The following STX6 variants were observed in gnomAD, a reference collection of about 807,000 sequenced individuals.
STX6 encodes syntaxin-6.
STX6 carries 23 observed loss-of-function variants against 38.0 expected under a neutral mutation model. The observed-to-expected ratio is 0.60, with a 90% CI of 0.43 to 0.86. The LOEUF is 0.86. Ranked by LOEUF, STX6 falls within the 40% of genes least tolerant of loss-of-function variation. The pLI, the probability that STX6 is intolerant of heterozygous loss-of-function variation, is 0.00. For synonymous variants in STX6, 123 were observed against 107.5 expected (o/e 1.14, Z -0.89); for missense variants, 274 against 312.9 (o/e 0.88, Z 0.94).
intron 1 of STX6, among the ~76,000 whole-genome samples, chr1:181,009,470 C>CA (rs34469966): frequency 0.2 from 20,832 of 105,148 alleles, 1,852 homozygotes; most frequent in East Asian, 0.3. Context: ...CTGTTGTTTC[C>CA]AAAAAAAAAA....
chr1:181,005,217 T>C, intron 2 of STX6, 77 bp downstream of exon 2: 1 of 1,543,742 alleles, frequency 6.5e-7, no homozygotes, highest in Non-Finnish European at 8.7e-7. Flanking sequence ...TTCATCTACA[T>C]ACTGGAAACA....
At chr1:181,013,598 C>T (rs553209982) in intron 1 of STX6, among the ~76,000 whole-genome samples, 1 of 152,302 alleles carries the variant, frequency 6.6e-6, no homozygotes, top group East Asian at 1.9e-4. Context: ...TTTGATTTAT[C>T]CTTTCTTCTT....
At chr1:180,986,333 G>A (rs1571329543) in intron 6 of STX6, among the ~76,000 whole-genome samples, 2 of 152,034 alleles carry the variant, frequency 1.3e-5, no homozygotes, top group East Asian at 3.9e-4. Flanking sequence ...CCAAAATACT[G>A]TAATTTCAAC....
chr1:180,981,462 G>A (rs1010447552), intron 7 of STX6, among the ~76,000 whole-genome samples: 3 of 151,946 alleles, frequency 2.0e-5, no homozygotes, highest in African/African-American at 4.8e-5. Context: ...CTCCAACCCC[G>A]CCCTCAACCT....
intron 1 of STX6, among the ~76,000 whole-genome samples, chr1:181,016,197 T>C (rs1656550800): frequency 6.6e-6 from 1 of 151,342 alleles, no homozygotes; most frequent in Non-Finnish European, 1.5e-5. Context: ...ACAAATTCTG[T>C]TTCAGTTGGC....
intron 1 of STX6, among the ~76,000 whole-genome samples, chr1:181,018,067 G>A (rs1656614777): frequency 6.6e-6 from 1 of 152,028 alleles, no homozygotes; most frequent in Non-Finnish European, 1.5e-5. Context: ...AAGTCTGAAG[G>A]ATATAAAGAA....
chr1:180,989,104 C>T (rs1252530264), intron 5 of STX6: 1 of 152,222 alleles, frequency 6.6e-6, no homozygotes, highest in Admixed American at 6.5e-5. Flanking sequence ...TTTATTAATA[C>T]AGCTACATAT....
rs143012107 is a variant in STX6, at chr1:181,002,911, G to C, written c.206-211C>G. Reference sequence around the variant, plus strand: ...CTCCAAGACAGAGATGATCTGTCTGGTTAGGAAGCATAGCCCCTGCTGATG... The same window carrying C: ...CTCCAAGACAGAGATGATCTGTCTGCTTAGGAAGCATAGCCCCTGCTGATG... On this transcript the variant is annotated intron_variant, in intron 2 of 7. Transcript: ENST00000258301. Among the ~76,000 whole-genome samples the C allele has an allele frequency of 2.3e-3, 355 of 152,312 alleles. 3 individuals carry two copies. Among genetic ancestry groups the C allele is most frequent in the East Asian group, 0.011 (57 of 5,184 alleles).
chr1:180,988,219 A>AG lies in STX6; in HGVS notation c.596+19dup, dbSNP rs933225466. 2 of 1,585,200 alleles carry AG rather than the reference A, an allele frequency of 1.3e-6. No individual in the cohort carries two copies. The highest frequency in any genetic ancestry group is 1.7e-5 in the Admixed American group (1 of 59,908). On this transcript the variant is annotated intron_variant, in intron 6 of 7. Coordinates refer to ENST00000258301, the MANE Select transcript of STX6 (RefSeq NM_005819.6). ...TGCCCCTCAATTTCACTGAAGCGAG[A>AG]GGGGTGTCTCAATACTCACACTGCC...
chr1:180,975,202 A>G lies in STX6; in HGVS notation c.*1368T>C, dbSNP rs1211097140. 1 of 152,690 alleles carries G rather than the reference A, an allele frequency of 6.5e-6. No homozygotes were observed. Among genetic ancestry groups the G allele is most frequent in the Non-Finnish European group, 1.5e-5 (1 of 68,052 alleles). 9.5% of individuals were successfully genotyped at this position (152,690 alleles called of 1,614,324 possible). A position where few individuals can be genotyped will look rare whatever the true frequency, so the allele number is the denominator to read the frequency against. On this transcript the variant is annotated 3_prime_UTR_variant, in exon 8 of 8. Coordinates refer to ENST00000258301, the MANE Select transcript of STX6 (RefSeq NM_005819.6). The stretch of plus-strand genomic sequence containing the variant: ...TATCCAGATGTTGCTGTTCTTTCCA[A>G]GTGCAAAAGAAGGTGGTGAGGAGAG...
intron 7 of STX6, among the ~76,000 whole-genome samples, chr1:180,978,723 C>T (rs1208956033): frequency 1.3e-5 from 2 of 152,204 alleles, no homozygotes; most frequent in Admixed American, 6.5e-5. Flanking sequence ...CCAGTTCCAC[C>T]TAACAGTAGA....
chr1:181,006,045 A>G (rs566932185), intron 1 of STX6, among the ~76,000 whole-genome samples: 1 of 152,236 alleles, frequency 6.6e-6, no homozygotes, highest in South Asian at 2.1e-4. Flanking sequence ...AAGCAATACC[A>G]TATACCAGAT....
chr1:180,993,230 T>C (rs1362035347), intron 4 of STX6, 133 bp downstream of exon 4: 3 of 597,770 alleles, frequency 5.0e-6, no homozygotes, highest in South Asian at 4.3e-5. Flanking sequence ...AAACCTCCCA[T>C]GGTCACACCA....
chr1:181,002,631 A>T lies in STX6; in HGVS notation c.275T>A (p.Ile92Asn). ...ATELSIRKAF[I>N]TSTRQVVRDM... is the part of the protein sequence containing the mutation. The stretch of plus-strand genomic sequence containing the variant: ...CCTGACAACTTGCCGAGTACTTGTA[A>T]TGAAGGCTTTTCTTATACTCAATTC... The change falls in exon 3 of 8, where the codon ATT (isoleucine) becomes AAT (asparagine). Residue 92 changes from isoleucine to asparagine, a missense_variant. Transcript: ENST00000258301. The T allele has an allele frequency of 6.2e-7, 1 of 1,613,646 alleles. No homozygotes were observed. The highest frequency in any genetic ancestry group is 1.7e-4 in the Middle Eastern group (1 of 6,056).
In STX6 at chr1:181,004,619, C is replaced by T. The variant is rs114908166; in HGVS notation, c.205+675G>A. 6.9e-3 allele frequency among the ~76,000 whole-genome samples: 1,049 copies of T among 152,348 alleles called. 5 individuals carry two copies. Among genetic ancestry groups the T allele is most frequent in the Non-Finnish European group, 8.8e-3 (601 of 68,036 alleles). Reference sequence around the variant, plus strand: ...GAAGTGCTGCACCTTTTCTCCCATACCTTGCATGCATCTCTTCCATCTGGT... The same window carrying T: ...GAAGTGCTGCACCTTTTCTCCCATATCTTGCATGCATCTCTTCCATCTGGT... On this transcript the variant is annotated intron_variant, in intron 2 of 7. Coordinates refer to ENST00000258301, the MANE Select transcript of STX6 (RefSeq NM_005819.6).
Position 181,012,687 on chromosome 1 carries a change from T to C in STX6, c.36-7224A>G, listed in dbSNP as rs1656437877. Reference sequence around the variant, plus strand: ...TTCTTCCATTCTTTTTTTTTTTTTTTTTTTGAGATGGAATTTCACTCTTGT... The same window carrying C: ...TTCTTCCATTCTTTTTTTTTTTTTTCTTTTGAGATGGAATTTCACTCTTGT... On this transcript the variant is annotated intron_variant, in intron 1 of 7. Coordinates refer to ENST00000258301, the MANE Select transcript of STX6 (RefSeq NM_005819.6). 5.9e-5 allele frequency among the ~76,000 whole-genome samples: 9 copies of C among 151,340 alleles called. No individual in the cohort carries two copies. The South Asian group carries it at 1.9e-3, about 32-fold the overall frequency.
chr1:180,992,668 A>T (rs1558091089), intron 4 of STX6, among the ~76,000 whole-genome samples: 2 of 152,226 alleles, frequency 1.3e-5, no homozygotes, highest in African/African-American at 4.8e-5. Context: ...GTCTAAATCA[A>T]ATCTCAATCT....
intron 1 of STX6, among the ~76,000 whole-genome samples, chr1:181,020,376 T>C (rs1656692217): frequency 6.6e-6 from 1 of 152,212 alleles, no homozygotes; most frequent in Admixed American, 6.5e-5. Flanking sequence ...TAATCACATG[T>C]TGAATATTTT....
chr1:181,016,123 C>G (rs1199686975), intron 1 of STX6, among the ~76,000 whole-genome samples: 3 of 152,132 alleles, frequency 2.0e-5, no homozygotes, highest in Non-Finnish European at 2.9e-5. Context: ...TATTCAAACC[C>G]TCTCCCACTC....
Sources: gnomAD v4.1 joint callset for allele counts (sites outside exome capture counted in the v4.1 genomes callset) on GRCh38, gnomAD v4.1.1 for gene constraint, MANE v1.5 for transcripts, NCBI Gene and HGNC (gene_info 2026-07-23, HGNC 2026-07-21) for gene names.